The following CEP112 variants were observed in gnomAD, a reference collection of about 807,000 sequenced individuals.
CEP112 encodes the protein centrosomal protein of 112 kDa.
A neutral mutation model predicts 153.0 loss-of-function variants in CEP112; 127 were observed. The ratio of observed to expected loss-of-function variants is 0.83; its 90% CI spans 0.72 to 0.96. The LOEUF (loss-of-function observed/expected upper bound fraction) is 0.96. CEP112 is among the 40% of genes least tolerant of loss of function. The pLI is 0.00. For synonymous variants in CEP112, 358 were observed against 374.4 expected (o/e 0.96, Z 0.51); for missense variants, 1,089 against 1,101.2 (o/e 0.99, Z 0.16).
chr17:66,037,420 A>T (rs2065783171), intron 12 of CEP112, among the ~76,000 whole-genome samples: 1 of 152,084 alleles, frequency 6.6e-6, no homozygotes, highest in African/African-American at 2.4e-5. Flanking sequence ...CGTGCTGGTC[A>T]TGCTAATGTC....
At chr17:65,836,584 A>G (rs1051283374) in intron 21 of CEP112, among the ~76,000 whole-genome samples, 4 of 152,230 alleles carry the variant, frequency 2.6e-5, no homozygotes, top group East Asian at 1.9e-4. Context: ...TAATATAATA[A>G]TTGTAAATAT....
chr17:66,017,970 A>C (rs2064841444), intron 16 of CEP112, among the ~76,000 whole-genome samples: 1 of 150,626 alleles, frequency 6.6e-6, no homozygotes, highest in African/African-American at 2.5e-5. Flanking sequence ...ACTGCACTTC[A>C]GCCTGGGCAA....
At chr17:65,757,074 G>A (rs900209695) in intron 21 of CEP112, among the ~76,000 whole-genome samples, 8 of 152,178 alleles carry the variant, frequency 5.3e-5, no homozygotes, top group African/African-American at 1.9e-4. Flanking sequence ...TTCTCTGCCT[G>A]TCTCTCTGTA....
At chr17:65,787,073 C>T (rs927271918) in intron 21 of CEP112, among the ~76,000 whole-genome samples, 2 of 152,206 alleles carry the variant, frequency 1.3e-5, no homozygotes, top group African/African-American at 4.8e-5. Flanking sequence ...TCTATCTATA[C>T]TTGTACCAGT....
intron 23 of CEP112, among the ~76,000 whole-genome samples, chr17:65,737,450 T>G (rs1022161493): frequency 6.6e-6 from 1 of 152,130 alleles, no homozygotes; most frequent in African/African-American, 2.4e-5. Context: ...TGGCTGACAG[T>G]AGGGGAGACG....
chr17:65,671,662 G>A (rs2046989710), intron 24 of CEP112, among the ~76,000 whole-genome samples: 1 of 152,128 alleles, frequency 6.6e-6, no homozygotes, highest in Admixed American at 6.5e-5. Flanking sequence ...TAGTATGTGT[G>A]TGTATGTATA....
intron 23 of CEP112, among the ~76,000 whole-genome samples, chr17:65,717,349 C>A (rs1001954465): frequency 6.6e-6 from 1 of 152,286 alleles, no homozygotes; most frequent in African/African-American, 2.4e-5. Flanking sequence ...ATCTCACAAA[C>A]ACAAAAACAA....
intron 21 of CEP112, among the ~76,000 whole-genome samples, chr17:65,822,063 A>G (rs547074886): frequency 2.6e-5 from 4 of 152,110 alleles, no homozygotes; most frequent in South Asian, 4.1e-4. Flanking sequence ...TATTTAGCAT[A>G]CATGCATATA....
intron 18 of CEP112, among the ~76,000 whole-genome samples, chr17:65,946,993 T>C (rs898202627): frequency 2.0e-5 from 3 of 152,292 alleles, no homozygotes; most frequent in African/African-American, 4.8e-5. Context: ...GTATTTGTGC[T>C]GGTAGGTACG....
intron 8 of CEP112, among the ~76,000 whole-genome samples, chr17:66,073,303 TACA>T (rs990173368): frequency 3.3e-5 from 5 of 152,160 alleles, no homozygotes; most frequent in Admixed American, 2.6e-4. Flanking sequence ...TCCGCCTGGG[TACA>T]ACAACTGGAG....
intron 5 of CEP112, among the ~76,000 whole-genome samples, chr17:66,130,618 A>G (rs1483419244): frequency 3.3e-5 from 5 of 151,994 alleles, no homozygotes; most frequent in African/African-American, 7.2e-5. Context: ...TACTAAAAAT[A>G]CAAAAAAATT....
In CEP112 at chr17:66,130,793, AC is replaced by A. The variant is rs1291565495; in HGVS notation, c.565-971del. Among the ~76,000 whole-genome samples, 199 of 150,932 alleles carry A rather than the reference AC, an allele frequency of 1.3e-3. 7 individuals are homozygous for A. Among genetic ancestry groups the A allele is most frequent in the African/African-American group, 3.9e-3 (159 of 41,130 alleles). ...TCCGTCTCAAAAAAAAAAAAAAAAA[AC>A]ACACACAATTATGGTGATTCTTCAC... On this transcript the variant is annotated intron_variant, in intron 5 of 26. Transcript: ENST00000535342.
chr17:65,821,499 TATATATATATATAATTATA>T (rs2056540692), intron 21 of CEP112, among the ~76,000 whole-genome samples: 1 of 125,186 alleles, frequency 8.0e-6, no homozygotes, highest in African/African-American at 3.1e-5. Context: ...TATATAATTA[TATATATATATATAATTATA>T]TATATATATA....
intron 14 of CEP112, 130 bp downstream of exon 14, chr17:66,028,993 C>T (rs2065343514): frequency 5.7e-6 from 4 of 707,756 alleles, no homozygotes; most frequent in Non-Finnish European, 9.0e-6. Context: ...TCCTGAAGTT[C>T]CTGTTAATTT....
intron 4 of CEP112, among the ~76,000 whole-genome samples, chr17:66,165,231 CCCAACACAGTA>C (rs2071901268): frequency 7.0e-6 from 1 of 142,574 alleles, no homozygotes; most frequent in Non-Finnish European, 1.6e-5. Context: ...TACTGTTCTG[CCCAACACAGTA>C]GCCCCTAATC....
intron 3 of CEP112, among the ~76,000 whole-genome samples, chr17:66,175,748 C>CATT (rs1181778941): frequency 6.6e-6 from 1 of 152,174 alleles, no homozygotes; most frequent in Non-Finnish European, 1.5e-5. Flanking sequence ...TAAACTTTCA[C>CATT]ATTATTATTA....
At chr17:65,713,966 T>A (rs1234199974) in intron 23 of CEP112, among the ~76,000 whole-genome samples, 1 of 152,206 alleles carries the variant, frequency 6.6e-6, no homozygotes, top group Non-Finnish European at 1.5e-5. Flanking sequence ...TCTCTCGGTC[T>A]GGCCAGTCTT....
chr17:65,890,810 T>C (rs1479068468), intron 20 of CEP112, among the ~76,000 whole-genome samples: 2 of 152,148 alleles, frequency 1.3e-5, no homozygotes, highest in African/African-American at 4.8e-5. Flanking sequence ...AATCCGGTGA[T>C]ATCATCAGCA....
At chr17:66,162,291 C>T (rs1180769509) in intron 4 of CEP112, among the ~76,000 whole-genome samples, 1 of 152,072 alleles carries the variant, frequency 6.6e-6, no homozygotes, top group African/African-American at 2.4e-5. Context: ...TCTGCCATAC[C>T]AGAATTGCTA....
Sources: gnomAD v4.1 joint callset for allele counts (sites outside exome capture counted in the v4.1 genomes callset) on GRCh38, gnomAD v4.1.1 for gene constraint, MANE v1.5 for transcripts, NCBI Gene and HGNC (gene_info 2026-07-23, HGNC 2026-07-21) for gene names.